Variants in SLIT2 observed in about 807,000 individuals in gnomAD.
The protein encoded by SLIT2 is slit homolog 2 protein.
A neutral mutation model predicts 185.7 loss-of-function variants in SLIT2; 41 were observed. The observed-to-expected ratio is 0.22, with a 90% CI of 0.17 to 0.29. The LOEUF (loss-of-function observed/expected upper bound fraction) is 0.29. SLIT2 is among the 10% of genes least tolerant of loss of function. The pLI is 1.00. For synonymous variants in SLIT2, 693 were observed against 680.2 expected (o/e 1.02, Z -0.29); for missense variants, 1,571 against 1,909.0 (o/e 0.82, Z 3.30).
chr4:20,513,738 GC>G lies in SLIT2; in HGVS notation c.1058+2602del, dbSNP rs201279955. Among the ~76,000 whole-genome samples, 97 of 151,734 alleles carry G rather than the reference GC, an allele frequency of 6.4e-4. No homozygotes were observed. The East Asian group carries it at 0.012, about 19-fold the overall frequency. ...CAAGGGATAAGGATAGCTGTGGTTG[GC>G]GGGGGGAAGCTAAAACCTTAAATAA... On this transcript the variant is annotated intron_variant, in intron 11 of 36. Transcript: ENST00000504154.
chr4:20,364,610 G>T (rs1444413254), intron 4 of SLIT2, among the ~76,000 whole-genome samples: 1 of 151,796 alleles, frequency 6.6e-6, no homozygotes, highest in Non-Finnish European at 1.5e-5. Context: ...TCATTTTCCT[G>T]CTCTGAAGGT....
chr4:20,599,620 G>A (rs1396150259), intron 33 of SLIT2, among the ~76,000 whole-genome samples: 4 of 152,096 alleles, frequency 2.6e-5, no homozygotes, highest in Non-Finnish European at 4.4e-5. Context: ...TCAGTTCTTC[G>A]TGGAGAAAAT....
chr4:20,425,238 T>A (rs966719631), intron 4 of SLIT2, among the ~76,000 whole-genome samples: 26 of 152,216 alleles, frequency 1.7e-4, no homozygotes, highest in Non-Finnish European at 2.8e-4. Flanking sequence ...CAAAGTTTTA[T>A]GCTTTGTCCT....
At position 20,472,308 on chromosome 4, in the gene SLIT2, A is replaced by C. The variant is rs1264500028; in HGVS notation, c.467+4485A>C. Among the ~76,000 whole-genome samples, 30 of 28,260 alleles carry C rather than the reference A, an allele frequency of 1.1e-3. 2 individuals are homozygous for C. The highest frequency in any genetic ancestry group is 2.8e-3 in the East Asian group (2 of 718). The allele number at this position is 28,260 out of a possible 152,430, so 18.5% of individuals were successfully genotyped here. A position where few individuals can be genotyped will look rare whatever the true frequency, so the allele number is the denominator to read the frequency against. On this transcript the variant is annotated intron_variant, in intron 5 of 36. Coordinates refer to ENST00000504154, the MANE Select transcript of SLIT2 (RefSeq NM_004787.4). ...TATAGATATATAGATATATAGATCT[A>C]TATATAGATATATATATCTATATAT...
At chr4:20,407,052 T>A (rs1488120536) in intron 4 of SLIT2, among the ~76,000 whole-genome samples, 1 of 152,158 alleles carries the variant, frequency 6.6e-6, no homozygotes, top group Non-Finnish European at 1.5e-5. Flanking sequence ...AGGCACAAAA[T>A]GGCTTCCTTT....
At chr4:20,329,668 G>T (rs1246005474) in intron 4 of SLIT2, among the ~76,000 whole-genome samples, 1 of 152,050 alleles carries the variant, frequency 6.6e-6, no homozygotes, top group Admixed American at 6.6e-5. Context: ...ATCTCTCAAA[G>T]TTAGGCTTTG....
At chr4:20,562,117 A>C (rs1311685423) in intron 26 of SLIT2, among the ~76,000 whole-genome samples, 1 of 151,846 alleles carries the variant, frequency 6.6e-6, no homozygotes. Context: ...GCAAATTTAC[A>C]GGATTTTAAC....
rs1325822969 is a variant in SLIT2 at position 20,598,317 on chromosome 4, A to G, written c.3614A>G (p.His1205Arg). The G allele has an allele frequency of 6.2e-7, 1 of 1,614,000 alleles. No individual in the cohort carries two copies. The highest frequency in any genetic ancestry group is 1.3e-5 in the African/African-American group (1 of 74,916). ...GILLYKGDKD[H>R]IAVELYRGRV... ...CTCCTGTATAAGGGTGACAAAGACC[A>G]TATCGCGGTAGAACTCTATCGGGGG... The change falls in exon 33 of 37, where the codon CAT becomes CGT. Residue 1205 changes from histidine to arginine, a missense_variant. Physicochemically the swap from His to Arg is conservative, Grantham distance 29. Around this residue, in one of 3 missense-constraint regions of SLIT2, gnomAD observed 146 missense variants for 247.4 expected, o/e 0.59. Coordinates refer to ENST00000504154, the MANE Select transcript of SLIT2 (RefSeq NM_004787.4).
Position 20,441,503 on chromosome 4 carries a change from G to GCCC in SLIT2, c.396-26242_396-26240dup, listed in dbSNP as rs72605532. On this transcript the variant is annotated intron_variant, in intron 4 of 36. Coordinates refer to ENST00000504154, the MANE Select transcript of SLIT2 (RefSeq NM_004787.4). ...CATCCAATCTCTCTCTCTCTCTCTCGCCCCCCCCCACTTCTGTCTCTCTCT... is the reference window on the plus strand; with the variant it reads ...CATCCAATCTCTCTCTCTCTCTCTCGCCCCCCCCCCCCACTTCTGTCTCTCTCT... 1.9e-4 allele frequency among the ~76,000 whole-genome samples: 14 copies of GCCC among 73,344 alleles called. 1 individual carries two copies. The highest frequency in any genetic ancestry group is 7.1e-4 in the African/African-American group (13 of 18,422). The allele number at this position is 73,344 out of a possible 152,430, so 48.1% of individuals were successfully genotyped here. A position where few individuals can be genotyped will look rare whatever the true frequency, so the allele number is the denominator to read the frequency against.
At chr4:20,521,159 A>G (rs868724022) in intron 12 of SLIT2, among the ~76,000 whole-genome samples, 13 of 152,144 alleles carry the variant, frequency 8.5e-5, no homozygotes, top group African/African-American at 2.7e-4. Flanking sequence ...TTTTCTTTCC[A>G]TCCACACTTA....
intron 4 of SLIT2, among the ~76,000 whole-genome samples, chr4:20,449,473 A>G (rs1712223083): frequency 6.6e-6 from 1 of 152,100 alleles, no homozygotes; most frequent in Admixed American, 6.5e-5. Context: ...CAGTGGTGCA[A>G]TCTCGGCTCA....
chr4:20,599,632 T>A (rs572255753), intron 33 of SLIT2, among the ~76,000 whole-genome samples: 1 of 152,172 alleles, frequency 6.6e-6, no homozygotes, highest in African/African-American at 2.4e-5. Flanking sequence ...GGAGAAAATA[T>A]GGACTTAGGT....
intron 4 of SLIT2, among the ~76,000 whole-genome samples, chr4:20,337,951 C>T (rs1000005926): frequency 2.0e-5 from 3 of 152,032 alleles, no homozygotes; most frequent in South Asian, 2.1e-4. Flanking sequence ...ACCCTAAGTT[C>T]ACAGCAATTG....
At chr4:20,288,367 C>T (rs535647423) in intron 4 of SLIT2, among the ~76,000 whole-genome samples, 1 of 152,286 alleles carries the variant, frequency 6.6e-6, no homozygotes, top group South Asian at 2.1e-4. Flanking sequence ...GAAGCACTTA[C>T]ACTTAGTAAA....
At chr4:20,415,916 G>A (rs1018817563) in intron 4 of SLIT2, among the ~76,000 whole-genome samples, 1 of 152,074 alleles carries the variant, frequency 6.6e-6, no homozygotes, top group Admixed American at 6.5e-5. Flanking sequence ...TGTGAGCGGG[G>A]TCTTTGATTT....
intron 21 of SLIT2, among the ~76,000 whole-genome samples, chr4:20,544,429 A>G (rs1393285887): frequency 6.6e-6 from 1 of 152,156 alleles, no homozygotes; most frequent in African/African-American, 2.4e-5. Context: ...TGCTATCTAC[A>G]GCATATTTCA....
intron 4 of SLIT2, among the ~76,000 whole-genome samples, chr4:20,404,028 C>A (rs1271661048): frequency 6.6e-6 from 1 of 151,934 alleles, no homozygotes; most frequent in African/African-American, 2.4e-5. Flanking sequence ...ACAGCAGTGT[C>A]CAAATGTGGA....
intron 4 of SLIT2, among the ~76,000 whole-genome samples, chr4:20,300,556 T>C (rs993363660): frequency 1.3e-5 from 2 of 151,974 alleles, no homozygotes; most frequent in African/African-American, 4.8e-5. Context: ...ATATAATATA[T>C]GATGAGTGCA....
At chr4:20,589,327 A>C (rs1223763149) in intron 29 of SLIT2, among the ~76,000 whole-genome samples, 1 of 152,166 alleles carries the variant, frequency 6.6e-6, no homozygotes, top group African/African-American at 2.4e-5. Flanking sequence ...AAAAAAATCC[A>C]AAATAAACAA....
Sources: gnomAD v4.1 joint callset for allele counts (sites outside exome capture counted in the v4.1 genomes callset) on GRCh38, gnomAD v4.1.1 for gene constraint, gnomAD v4.1.1 regional missense constraint, MANE v1.5 for transcripts, NCBI Gene and HGNC (gene_info 2026-07-23, HGNC 2026-07-21) for gene names.